Variants in PIK3C2G observed in about 807,000 individuals in gnomAD.
PIK3C2G encodes the protein phosphatidylinositol 3-kinase C2 domain-containing subunit gamma.
PIK3C2G carries 168 observed loss-of-function variants against 181.1 expected under a neutral mutation model. That is an observed-to-expected ratio of 0.93 (90% CI 0.82 to 1.05). The LOEUF is 1.05. Ranked by LOEUF, PIK3C2G falls within the 50% of genes least tolerant of loss-of-function variation. The probability of loss-of-function intolerance (pLI) is 0.00; values close to 1 mark genes in which losing one functional copy is unlikely to be tolerated. For synonymous variants in PIK3C2G, 573 were observed against 592.2 expected, an observed-to-expected ratio of 0.97 and a Z score of 0.47; for missense variants, 1,869 against 1,732.8, an observed-to-expected ratio of 1.08 and a Z score of -1.40.
At chr12:18,256,898 T>C (rs1041957301), upstream of PIK3C2G, among the ~76,000 whole-genome samples, 11 of 151,994 alleles carry the variant, frequency 7.2e-5, no homozygotes, top group African/African-American at 2.7e-4. Context: ...AAAGAGACCC[T>C]AAAACACAGC....
At chr12:18,670,291 T>TGC in the PIK3C2G span, among the ~76,000 whole-genome samples, 1 of 151,404 alleles carries the variant, frequency 6.6e-6, no homozygotes, top group African/African-American at 2.4e-5. Context: ...TACACACATA[T>TGC]GCGCACACAC....
rs998650200 is a variant in PIK3C2G at position 18,391,219 on chromosome 12, T to C, written c.2093T>C (p.Ile698Thr). The change falls in exon 15 of 33, where the codon ATT becomes ACT. Residue 698 changes from isoleucine (I) to threonine (T), a missense_variant. Coordinates refer to ENST00000538779, the MANE Select transcript of PIK3C2G (RefSeq NM_001288772.2). ...CCACTAAAGGAGTGTATAAAACATA[T>C]TGCCAGACTTTCACAGAAACAGACT... ...EEPLKECIKH[I>T]ARLSQKQTPL... The C allele has an allele frequency of 6.2e-7, 1 of 1,602,008 alleles. No homozygotes were observed. Among genetic ancestry groups the C allele is most frequent in the Non-Finnish European group, 8.5e-7 (1 of 1,174,552 alleles).
chr12:18,520,131 T>C (rs527302209), intron 24 of PIK3C2G, among the ~76,000 whole-genome samples: 7 of 152,126 alleles, frequency 4.6e-5, no homozygotes, highest in Non-Finnish European at 1.0e-4. Context: ...CTGGCATTTC[T>C]TTCTGGTTGC....
intron 31 of PIK3C2G, among the ~76,000 whole-genome samples, chr12:18,633,509 A>C (rs1949448284): frequency 6.6e-6 from 1 of 152,178 alleles, no homozygotes; most frequent in African/African-American, 2.4e-5. Context: ...GGGTAACCCA[A>C]ACCTTCAAGA....
At chr12:18,523,138 C>T (rs75988640) in intron 24 of PIK3C2G, among the ~76,000 whole-genome samples, 7,979 of 151,926 alleles carry the variant, frequency 0.053, 540 homozygotes, top group African/African-American at 0.15. Context: ...CTTTTGTTTT[C>T]CATATTTCAT....
intron 5 of PIK3C2G, among the ~76,000 whole-genome samples, chr12:18,311,312 T>C (rs1037739449): frequency 2.0e-5 from 3 of 152,034 alleles, no homozygotes; most frequent in African/African-American, 7.2e-5. Flanking sequence ...AATAAAAATA[T>C]AGAATATCCA....
chr12:18,546,575 G>A, intron 26 of PIK3C2G, 143 bp downstream of exon 26: 1 of 608,688 alleles, frequency 1.6e-6, no homozygotes. Flanking sequence ...TTCCCAAAGA[G>A]CAGAAAGGAA....
chr12:18,403,627 T>C (rs1944370207), intron 16 of PIK3C2G, among the ~76,000 whole-genome samples: 1 of 152,192 alleles, frequency 6.6e-6, no homozygotes, highest in Non-Finnish European at 1.5e-5. Context: ...GTTTTTAATA[T>C]TGCTATTTAC....
chr12:18,460,122 T>C (rs911497582), intron 18 of PIK3C2G, among the ~76,000 whole-genome samples: 30 of 152,276 alleles, frequency 2.0e-4, no homozygotes, highest in Middle Eastern at 3.4e-3. Flanking sequence ...CAGAGTGATA[T>C]CGTGTTTAAG....
intron 13 of PIK3C2G, among the ~76,000 whole-genome samples, chr12:18,380,594 T>C (rs1291427189): frequency 6.6e-6 from 1 of 152,170 alleles, no homozygotes; most frequent in Non-Finnish European, 1.5e-5. Flanking sequence ...GATATTGTTA[T>C]ACCAAGACAG....
the PIK3C2G span, chr12:18,712,800 T>C: frequency 6.2e-7 from 1 of 1,600,472 alleles, no homozygotes; most frequent in Non-Finnish European, 8.6e-7. Context: ...TTAGAATTGC[T>C]TCTGTTTAAA....
chr12:18,314,196 G>C (rs1950762253), intron 6 of PIK3C2G, 132 bp downstream of exon 6: 1 of 581,652 alleles, frequency 1.7e-6, no homozygotes, highest in African/African-American at 1.9e-5. Context: ...TATATTCATT[G>C]AAACATGATG....
intron 24 of PIK3C2G, among the ~76,000 whole-genome samples, chr12:18,518,466 GGT>G (rs1195248716): frequency 1.3e-5 from 2 of 151,976 alleles, no homozygotes; most frequent in Non-Finnish European, 2.9e-5. Context: ...ATATTGGGAG[GGT>G]GTATGTGTCC....
At position 18,312,014 on chromosome 12, in the gene PIK3C2G, G is replaced by C. The variant is rs539190851; in HGVS notation, c.1035-1948G>C. Among the ~76,000 whole-genome samples the C allele has an allele frequency of 2.0e-5, 3 of 152,278 alleles. No individual in the cohort carries two copies. The South Asian group carries it at 6.2e-4, about 32-fold the overall frequency. On this transcript the variant is annotated intron_variant, in intron 5 of 32. Coordinates refer to ENST00000538779, the MANE Select transcript of PIK3C2G (RefSeq NM_001288772.2). Reference sequence around the variant, plus strand: ...CATGGGAGAAAGATGTAGGCTGCGAGGCTAAGCCAGTCTAGTCCTTCCACG... The same window carrying C: ...CATGGGAGAAAGATGTAGGCTGCGACGCTAAGCCAGTCTAGTCCTTCCACG...
At chr12:18,417,772 G>A (rs1181300657) in intron 16 of PIK3C2G, among the ~76,000 whole-genome samples, 2 of 151,274 alleles carry the variant, frequency 1.3e-5, no homozygotes, top group South Asian at 2.1e-4. Context: ...AAAAATGTGC[G>A]ACTGGCTTTA....
At chr12:18,417,149 T>C (rs1309545703) in intron 16 of PIK3C2G, among the ~76,000 whole-genome samples, 1 of 152,108 alleles carries the variant, frequency 6.6e-6, no homozygotes, top group Non-Finnish European at 1.5e-5. Context: ...AACTTATAAG[T>C]GAACTAGAAT....
At chr12:18,480,608 G>A (rs1046298619) in intron 18 of PIK3C2G, among the ~76,000 whole-genome samples, 2 of 152,164 alleles carry the variant, frequency 1.3e-5, no homozygotes, top group African/African-American at 4.8e-5. Context: ...GAAGCTTTCT[G>A]TAAGTGTGTG....
chr12:18,378,323 C>CT (rs35047835), intron 13 of PIK3C2G, among the ~76,000 whole-genome samples: 17 of 152,056 alleles, frequency 1.1e-4, no homozygotes, highest in African/African-American at 3.6e-4. Context: ...TTCCCCCCCC[C>CT]GTAACTAATG....
At chr12:18,250,345 T>C (rs1318514277) in intron 1 of PIK3C2G, among the ~76,000 whole-genome samples, 1 of 152,052 alleles carries the variant, frequency 6.6e-6, no homozygotes, top group African/African-American at 2.4e-5. Context: ...GAATTTGCCG[T>C]ACATTATTGT....
Sources: allele counts gnomAD v4.1 joint callset (sites outside exome capture counted in the v4.1 genomes callset), GRCh38; gene constraint gnomAD v4.1.1; transcripts MANE v1.5; gene names NCBI Gene and HGNC (gene_info 2026-07-23, HGNC 2026-07-21).